ABLIM2: variants seen among roughly 807,000 people sequenced by gnomAD.
ABLIM2 encodes the protein actin-binding LIM protein 2.
Under a neutral mutation model 97.7 loss-of-function variants are expected in ABLIM2, and 53 were observed. The observed-to-expected ratio is 0.54, with a 90% CI of 0.44 to 0.68. The LOEUF (loss-of-function observed/expected upper bound fraction) is 0.68. Ranked by LOEUF, ABLIM2 falls within the 30% of genes least tolerant of loss-of-function variation. ABLIM2 has a pLI of 0.00. For synonymous variants in ABLIM2, 361 were observed against 345.8 expected (o/e 1.04, Z -0.49); for missense variants, 835 against 867.2 (o/e 0.96, Z 0.47).
At chr4:8,111,077 T>C (rs990849097) in intron 1 of ABLIM2, among the ~76,000 whole-genome samples, 1 of 152,204 alleles carries the variant, frequency 6.6e-6, no homozygotes, top group East Asian at 1.9e-4. Flanking sequence ...TGTTTTACAT[T>C]AAAAAGAGAA....
At chr4:8,040,470 G>T (rs2151589994) in intron 9 of ABLIM2, among the ~76,000 whole-genome samples, 1 of 152,252 alleles carries the variant, frequency 6.6e-6, no homozygotes, top group East Asian at 1.9e-4. Flanking sequence ...AGTTAGCCAG[G>T]CATGGTGGTG....
chr4:8,053,253 AG>A (rs1353272589), intron 8 of ABLIM2, among the ~76,000 whole-genome samples: 1 of 152,214 alleles, frequency 6.6e-6, no homozygotes, highest in African/African-American at 2.4e-5. Context: ...ATGACCTGGA[AG>A]CCCCCTCCAC....
At position 8,021,265 on chromosome 4, in the gene ABLIM2, T is replaced by C. The variant is rs978548953; in HGVS notation, c.1268-962A>G. On this transcript the variant is annotated intron_variant, in intron 12 of 20. Transcript: ENST00000447017. The surrounding 1 kb of genome is among the most constrained non-coding windows in gnomAD (Gnocchi z 5.5). Reference sequence around the variant, plus strand: ...CTATAATTCTGTTTTGCGAACAAGGTTGGATTATCAAGTCACGCATCCAGA... The same window carrying C: ...CTATAATTCTGTTTTGCGAACAAGGCTGGATTATCAAGTCACGCATCCAGA... Among the ~76,000 whole-genome samples the C allele has an allele frequency of 1.3e-5, 2 of 152,052 alleles. No individual in the cohort carries two copies. The highest frequency in any genetic ancestry group is 2.9e-5 in the Non-Finnish European group (2 of 68,008).
Position 8,149,650 on chromosome 4 carries a change from G to A in ABLIM2, c.10+9030C>T, listed in dbSNP as rs1209832033. The stretch of plus-strand genomic sequence containing the variant: ...GGCAGGAAGAATGCAAGGCTGTTGG[G>A]GGATCAGGGCAAAGACAGCACATAG... On this transcript the variant is annotated intron_variant, in intron 1 of 20. Transcript: ENST00000447017. The surrounding 1 kb of genome is among the most constrained non-coding windows in gnomAD (Gnocchi z 6.4). Among the ~76,000 whole-genome samples, 3 of 151,942 alleles carry A rather than the reference G, an allele frequency of 2.0e-5. No homozygotes were observed. The highest frequency in any genetic ancestry group is 4.4e-5 in the Non-Finnish European group (3 of 67,988).
In ABLIM2 at chr4:8,075,552, G is replaced by A. The variant is rs1426534388; in HGVS notation, c.675+2076C>T. On this transcript the variant is annotated intron_variant, in intron 6 of 20. Coordinates refer to ENST00000447017, the MANE Select transcript of ABLIM2 (RefSeq NM_001130083.2). The surrounding 1 kb of genome is among the most constrained non-coding windows in gnomAD (Gnocchi z 4.4). ...TACAAAAACTACAAAAATTAGCCAG[G>A]TGTGGTGGCGCACACCTGTAGTCCC... Among the ~76,000 whole-genome samples, 1 of 152,092 alleles carries A rather than the reference G, an allele frequency of 6.6e-6. No individual in the cohort carries two copies. The highest frequency in any genetic ancestry group is 1.5e-5 in the Non-Finnish European group (1 of 68,026).
Position 7,966,384 on chromosome 4 carries a change from A to G in ABLIM2, c.*606T>C, listed in dbSNP as rs1241840998. On this transcript the variant is annotated 3_prime_UTR_variant, in exon 21 of 21. Transcript: ENST00000447017. ...TCGATCTGGAGGAGGAACGCAGCGC[A>G]TGGAGGGGCGCTGGCGGAAGGTGCC... 1 of 152,838 alleles carries G rather than the reference A, an allele frequency of 6.5e-6. No individual in the cohort carries two copies. Among genetic ancestry groups the G allele is most frequent in the Non-Finnish European group, 1.5e-5 (1 of 68,186 alleles). The allele number at this position is 152,838 out of a possible 1,614,324, so 9.5% of individuals were successfully genotyped here.
rs1220567453 is a variant in ABLIM2 at position 8,125,827 on chromosome 4, C to A, written c.11-19190G>T. Reference sequence around the variant, plus strand: ...CACGGCTGTCCTCAGAATGCTCCAGCACCCCAGCCATGCCAGCTCGTCCTC... The same window carrying A: ...CACGGCTGTCCTCAGAATGCTCCAGAACCCCAGCCATGCCAGCTCGTCCTC... On this transcript the variant is annotated intron_variant, in intron 1 of 20. Transcript: ENST00000447017. This position sits in a 1 kb window ranked among gnomAD's most constrained non-coding sequence, Gnocchi z 6.2. Among the ~76,000 whole-genome samples, 1 of 152,236 alleles carries A rather than the reference C, an allele frequency of 6.6e-6. No individual in the cohort carries two copies. Among genetic ancestry groups the A allele is most frequent in the Non-Finnish European group, 1.5e-5 (1 of 68,034 alleles).
At chr4:8,038,617 C>A (rs1338613757) in intron 9 of ABLIM2, among the ~76,000 whole-genome samples, 1 of 152,200 alleles carries the variant, frequency 6.6e-6, no homozygotes, top group Non-Finnish European at 1.5e-5. Flanking sequence ...GATCACCAGG[C>A]TTGAGGGTTC....
At chr4:8,086,838 A>G (rs1487950004) in intron 4 of ABLIM2, among the ~76,000 whole-genome samples, 2 of 152,090 alleles carry the variant, frequency 1.3e-5, no homozygotes, top group Non-Finnish European at 2.9e-5. Flanking sequence ...CATTAAAAAA[A>G]AAAAGCAGTC....
rs976211124 is a variant in ABLIM2 at position 8,003,565 on chromosome 4, T to C, written c.1618+4494A>G. Among the ~76,000 whole-genome samples, 286 of 145,138 alleles carry C rather than the reference T, an allele frequency of 2.0e-3. 1 individual carries two copies. The highest frequency in any genetic ancestry group is 4.5e-3 in the East Asian group (23 of 5,138). ...CTACGCTCTTCTTCCAGTTTTCTTT[T>C]TTTTTTTTTTTTTTTTTGGAGATGG... On this transcript the variant is annotated intron_variant, in intron 16 of 20. Transcript: ENST00000447017. The surrounding 1 kb of genome is among the most constrained non-coding windows in gnomAD (Gnocchi z 4.2).
intron 1 of ABLIM2, among the ~76,000 whole-genome samples, chr4:8,158,038 C>G (rs1715956314): frequency 1.3e-5 from 2 of 152,380 alleles, no homozygotes; most frequent in South Asian, 4.1e-4. Flanking sequence ...TTTTTCCAGC[C>G]CCGCACAGAG....
chr4:8,044,144 T>C lies in ABLIM2; in HGVS notation c.900+1020A>G, dbSNP rs1006725309. 8.5e-5 allele frequency among the ~76,000 whole-genome samples: 13 copies of C among 152,182 alleles called. No individual in the cohort carries two copies. The highest frequency in any genetic ancestry group is 2.9e-4 in the African/African-American group (12 of 41,448). Reference sequence around the variant, plus strand: ...GAAGCACAGCAGACAGCAGATCCAATAAACTGTCTTAAAGTTCTGGAGCCT... The same window carrying C: ...GAAGCACAGCAGACAGCAGATCCAACAAACTGTCTTAAAGTTCTGGAGCCT... On this transcript the variant is annotated intron_variant, in intron 9 of 20. Transcript: ENST00000447017. This position sits in a 1 kb window ranked among gnomAD's most constrained non-coding sequence, Gnocchi z 4.4.
At chr4:7,981,339 G>C in intron 20 of ABLIM2, among the ~76,000 whole-genome samples, 1 of 152,070 alleles carries the variant, frequency 6.6e-6, no homozygotes, top group Non-Finnish European at 1.5e-5. Context: ...GAAAATCTTT[G>C]AATCCACCTA....
At chr4:8,010,293 A>C in intron 14 of ABLIM2, 1 of 886,580 alleles carries the variant, frequency 1.1e-6, no homozygotes, top group South Asian at 5.2e-5. Context: ...CTTAGTAGGT[A>C]AACACCCACA....
At chr4:8,060,827 C>G in intron 7 of ABLIM2, 140 bp downstream of exon 7, 1 of 693,896 alleles carries the variant, frequency 1.4e-6, no homozygotes, top group Non-Finnish European at 2.4e-6. Flanking sequence ...CCTGCCCTGC[C>G]GGCTCCCCGC....
chr4:8,050,678 C>CG (rs1795426391), intron 8 of ABLIM2, among the ~76,000 whole-genome samples: 1 of 152,236 alleles, frequency 6.6e-6, no homozygotes, highest in Admixed American at 6.5e-5. Context: ...TTGCACCTGA[C>CG]GGAACAAAAC....
intron 4 of ABLIM2, 130 bp downstream of exon 4, chr4:8,088,039 C>T (rs1324696834): frequency 5.4e-6 from 2 of 373,192 alleles, no homozygotes; most frequent in East Asian, 8.6e-5. Context: ...ACCGCCCCCA[C>T]TCAGCGCCCC....
intron 9 of ABLIM2, among the ~76,000 whole-genome samples, chr4:8,036,765 T>C (rs1784732796): frequency 6.6e-6 from 1 of 152,198 alleles, no homozygotes. Context: ...GCATGGGGTC[T>C]GGCAGGCAGT....
chr4:8,087,553 C>T lies in ABLIM2; in HGVS notation c.454+616G>A, dbSNP rs1472756686. Among the ~76,000 whole-genome samples, 2 of 152,152 alleles carry T rather than the reference C, an allele frequency of 1.3e-5. No individual in the cohort carries two copies. The highest frequency in any genetic ancestry group is 2.1e-4 in the South Asian group (1 of 4,830). The stretch of plus-strand genomic sequence containing the variant: ...TCTACAGGTTCCCCCAAAGGGGTCC[C>T]GGGTGGCCTGGAATTAACAGAGGGG... On this transcript the variant is annotated intron_variant, in intron 4 of 20. Transcript: ENST00000447017. This position sits in a 1 kb window ranked among gnomAD's most constrained non-coding sequence, Gnocchi z 4.6.
Sources: gnomAD v4.1 joint callset for allele counts (sites outside exome capture counted in the v4.1 genomes callset) on GRCh38, gnomAD v4.1.1 for gene constraint, Gnocchi (gnomAD v3.1) non-coding constraint, MANE v1.5 for transcripts, NCBI Gene and HGNC (gene_info 2026-07-23, HGNC 2026-07-21) for gene names.